The following GNAL variants were observed in gnomAD, a reference collection of about 807,000 sequenced individuals.
The protein encoded by GNAL is G protein subunit alpha L, also known as guanine nucleotide-binding protein G(olf) subunit alpha.
In GNAL, 18 loss-of-function variants were observed where a neutral mutation model predicts 55.1. The observed-to-expected ratio is 0.33, with a 90% CI of 0.23 to 0.48. The LOEUF (loss-of-function observed/expected upper bound fraction) is 0.48, where lower values mean the gene tolerates loss of function less well. Among genes scored for constraint, GNAL ranks in the 20% least tolerant of loss-of-function variants. The pLI is 0.99. For synonymous variants in GNAL, 253 were observed against 237.0 expected, an observed-to-expected ratio of 1.07 and a Z score of -0.62; for missense variants, 412 against 614.1, an observed-to-expected ratio of 0.67 and a Z score of 3.48.
intron 5 of GNAL, among the ~76,000 whole-genome samples, chr18:11,832,732 C>T (rs114114934): frequency 0.017 from 2,543 of 151,928 alleles, 69 homozygotes; most frequent in African/African-American, 0.059. Context: ...GTGGTGCACG[C>T]GCCTTTAATC....
At chr18:11,766,593 A>G (rs1568017082) in intron 4 of GNAL, among the ~76,000 whole-genome samples, 1 of 152,174 alleles carries the variant, frequency 6.6e-6, no homozygotes, top group East Asian at 1.9e-4. Context: ...TAGTGAAGAG[A>G]ATCTGTTATA....
intron 4 of GNAL, among the ~76,000 whole-genome samples, chr18:11,754,865 C>T (rs377362044): frequency 2.7e-3 from 414 of 152,296 alleles, no homozygotes; most frequent in Non-Finnish European, 5.2e-3. Context: ...TTAGTTTTCT[C>T]TCATTTTTCA....
chr18:11,775,830 A>T (rs1486972992), intron 4 of GNAL, among the ~76,000 whole-genome samples: 2 of 152,234 alleles, frequency 1.3e-5, no homozygotes, highest in African/African-American at 4.8e-5. Flanking sequence ...GATGTATGGA[A>T]TGCTTCAGGA....
chr18:11,741,258 G>T lies in GNAL; in HGVS notation c.377-11595G>T, dbSNP rs117325970. ...TCATCCGGGAAAGGGTGGAGGCTTT[G>T]GAATCCAACAGAACAGACCCCTGTG... On this transcript the variant is annotated intron_variant, in intron 1 of 11. Transcript: ENST00000334049. Among the ~76,000 whole-genome samples, 528 of 152,272 alleles carry T rather than the reference G, an allele frequency of 3.5e-3. 12 individuals are homozygous for T. In the East Asian group the frequency reaches 0.053, roughly 15 times the overall value.
intron 1 of GNAL, among the ~76,000 whole-genome samples, chr18:11,710,486 C>A (rs377420557): frequency 1.3e-5 from 2 of 152,218 alleles, no homozygotes; most frequent in Non-Finnish European, 1.5e-5. Flanking sequence ...TTTACCTTTA[C>A]GAATGAACTT....
In GNAL at chr18:11,884,172, G is replaced by A; in HGVS notation, c.*3037G>A. 3.0e-6 allele frequency: 1 copy of A among 336,892 alleles called. No homozygotes were observed. Among genetic ancestry groups the A allele is most frequent in the Non-Finnish European group, 5.5e-6 (1 of 180,708 alleles). The allele number at this position is 336,892 out of a possible 1,614,324, so 20.9% of individuals were successfully genotyped here. The stretch of plus-strand genomic sequence containing the variant: ...GTGCATGTGAGTGACGACATTAATA[G>A]CATTTACATACTGTACAGATGCAAC... On this transcript the variant is annotated 3_prime_UTR_variant, in exon 12 of 12. Coordinates refer to ENST00000334049, the MANE Select transcript of GNAL (RefSeq NM_182978.4).
At chr18:11,789,002 A>G (rs1195959066) in intron 4 of GNAL, among the ~76,000 whole-genome samples, 2 of 149,406 alleles carry the variant, frequency 1.3e-5, no homozygotes, top group East Asian at 2.0e-4. Context: ...AATGTAGAGT[A>G]TTAGTTATAA....
At chr18:11,710,435 T>C (rs2031808311) in intron 1 of GNAL, among the ~76,000 whole-genome samples, 1 of 152,236 alleles carries the variant, frequency 6.6e-6, no homozygotes, top group African/African-American at 2.4e-5. Context: ...ATTAAAATTA[T>C]TTACATATCA....
At chr18:11,703,795 GCACACACA>G (rs35455680) in intron 1 of GNAL, among the ~76,000 whole-genome samples, 4,033 of 141,476 alleles carry the variant, frequency 0.029, 57 homozygotes, top group Middle Eastern at 0.039. Flanking sequence ...GTGTTGATGG[GCACACACA>G]CACACACACA....
chr18:11,714,239 T>C (rs1324206514), intron 1 of GNAL, among the ~76,000 whole-genome samples: 1 of 152,234 alleles, frequency 6.6e-6, no homozygotes, highest in Non-Finnish European at 1.5e-5. Flanking sequence ...AGTTTCATTT[T>C]GCCAAGGTTG....
At position 11,812,482 on chromosome 18, in the gene GNAL, A is replaced by G. The variant is rs1487238003; in HGVS notation, c.625-12436A>G. On this transcript the variant is annotated intron_variant, in intron 4 of 11. Coordinates refer to ENST00000334049, the MANE Select transcript of GNAL (RefSeq NM_182978.4). ...GGACACAGGAACAAATACAGAGATCAATTGTATTTCTGGGCACTAGAAATG... is the reference window on the plus strand; with the variant it reads ...GGACACAGGAACAAATACAGAGATCGATTGTATTTCTGGGCACTAGAAATG... 3.3e-5 allele frequency among the ~76,000 whole-genome samples: 5 copies of G among 152,324 alleles called. No homozygotes were observed. In the East Asian group the frequency reaches 5.8e-4, roughly 18 times the overall value.
intron 5 of GNAL, among the ~76,000 whole-genome samples, chr18:11,827,902 C>T (rs549391998): frequency 9.5e-5 from 14 of 147,970 alleles, no homozygotes; most frequent in African/African-American, 3.3e-4. Context: ...ACCCGGGAGG[C>T]GGAGCTTGCA....
At chr18:11,860,211 T>C (rs1229731330) in intron 5 of GNAL, among the ~76,000 whole-genome samples, 1 of 152,166 alleles carries the variant, frequency 6.6e-6, no homozygotes, top group Non-Finnish European at 1.5e-5. Context: ...CACCAGCAGA[T>C]CCACTCCTGC....
chr18:11,744,982 G>A (rs1233983414), intron 1 of GNAL, among the ~76,000 whole-genome samples: 1 of 152,220 alleles, frequency 6.6e-6, no homozygotes, highest in Non-Finnish European at 1.5e-5. Flanking sequence ...AAAGTGCTGG[G>A]ACTACAGGTG....
intron 7 of GNAL, among the ~76,000 whole-genome samples, chr18:11,866,417 G>A (rs759763156): frequency 6.6e-6 from 1 of 150,384 alleles, no homozygotes; most frequent in Non-Finnish European, 1.5e-5. Context: ...GGAAGCCTGC[G>A]AAGGTTGGAA....
rs552910431 is a variant in GNAL at position 11,842,058 on chromosome 18, C to T, written c.722+17043C>T. Among the ~76,000 whole-genome samples, 8 of 151,826 alleles carry T rather than the reference C, an allele frequency of 5.3e-5. No individual in the cohort carries two copies. The South Asian group carries it at 1.3e-3, about 24-fold the overall frequency. On this transcript the variant is annotated intron_variant, in intron 5 of 11. Coordinates refer to ENST00000334049, the MANE Select transcript of GNAL (RefSeq NM_182978.4). The stretch of plus-strand genomic sequence containing the variant: ...TGCAATCTCGACTCACCTCAACCTT[C>T]GCCTCCCGGGTTCAAGCAATTCTCC...
chr18:11,749,068 G>A (rs1385636172), intron 1 of GNAL, among the ~76,000 whole-genome samples: 1 of 147,358 alleles, frequency 6.8e-6, no homozygotes, highest in Admixed American at 6.9e-5. Flanking sequence ...AGAGGTTGCA[G>A]TGAGCTGAGA....
At chr18:11,769,263 CAT>C (rs1470151322) in intron 4 of GNAL, among the ~76,000 whole-genome samples, 2 of 148,674 alleles carry the variant, frequency 1.3e-5, no homozygotes, top group African/African-American at 4.9e-5. Flanking sequence ...AATGCTAACT[CAT>C]GTGGTATAGA....
chr18:11,691,145 T>G (rs1284399879), intron 1 of GNAL, among the ~76,000 whole-genome samples: 23 of 151,936 alleles, frequency 1.5e-4, no homozygotes, highest in South Asian at 1.0e-3. Flanking sequence ...TTTTAATGAT[T>G]GCCATTCTAA....
Sources: gnomAD v4.1 joint callset for allele counts (sites outside exome capture counted in the v4.1 genomes callset) on GRCh38, gnomAD v4.1.1 for gene constraint, MANE v1.5 for transcripts, NCBI Gene and HGNC (gene_info 2026-07-23, HGNC 2026-07-21) for gene names.